Variants in ASB5 observed in about 807,000 individuals in gnomAD.
ASB5 encodes the protein ankyrin repeat and SOCS box containing 5, also known as ankyrin repeat and SOCS box protein 5.
Under a neutral mutation model 42.1 loss-of-function variants are expected in ASB5, and 45 were observed. That is an observed-to-expected ratio of 1.07 (90% CI 0.84 to 1.37). The LOEUF (loss-of-function observed/expected upper bound fraction) is 1.37, where lower values mean the gene tolerates loss of function less well. ASB5 is among the 40% of genes most tolerant of loss of function. The probability of loss-of-function intolerance (pLI) is 0.00; values close to 1 mark genes in which losing one functional copy is unlikely to be tolerated. For synonymous variants in ASB5, 147 were observed against 150.6 expected (o/e 0.98, Z 0.18); for missense variants, 402 against 399.8 (o/e 1.01, Z -0.05).
At chr4:176,277,251 A>C (rs1055050769) in exon 1 of ASB5, 21 of 152,374 alleles carry the variant, frequency 1.4e-4, no homozygotes, top group African/African-American at 4.8e-4. Flanking sequence ...ACTGCAGCTT[A>C]CTGCTCCGCG....
chr4:176,249,881 C>G (rs11734440), intron 1 of ASB5, among the ~76,000 whole-genome samples: 1 of 151,412 alleles, frequency 6.6e-6, no homozygotes, highest in African/African-American at 2.4e-5. Flanking sequence ...CTGGCTAACA[C>G]AGTGAAACCC....
intron 5 of ASB5, among the ~76,000 whole-genome samples, chr4:176,218,240 T>G (rs1213850518): frequency 8.3e-5 from 4 of 48,072 alleles, no homozygotes; most frequent in Non-Finnish European, 1.6e-4. Context: ...TATATATTTG[T>G]ATGATATATA....
intron 1 of ASB5, among the ~76,000 whole-genome samples, chr4:176,229,915 G>A (rs1000585947): frequency 6.6e-6 from 1 of 152,180 alleles, no homozygotes; most frequent in Non-Finnish European, 1.5e-5. Context: ...CTTGAAGAAG[G>A]GGGTGGGAGT....
chr4:176,272,027 G>T (rs1023110184), upstream of ASB5, among the ~76,000 whole-genome samples: 3 of 152,000 alleles, frequency 2.0e-5, no homozygotes, highest in Non-Finnish European at 4.4e-5. Flanking sequence ...ATGTAATCAG[G>T]AACCTAAATT....
intron 1 of ASB5, chr4:176,237,358 C>A (rs1045544150): frequency 6.1e-6 from 6 of 985,766 alleles, no homozygotes. Flanking sequence ...TACTCACTAG[C>A]CTTCTTTTCG....
intron 2 of ASB5, 41 bp from the exon 3 acceptor site, chr4:176,222,461 A>G (rs1383452238): frequency 2.0e-6 from 3 of 1,504,380 alleles, no homozygotes; most frequent in East Asian, 2.3e-5. Context: ...AAAGAGTTAT[A>G]TACTTAAAAA....
chr4:176,225,458 G>T, intron 1 of ASB5, 117 bp from the exon 2 acceptor site: 1 of 855,596 alleles, frequency 1.2e-6, no homozygotes, highest in Non-Finnish European at 1.9e-6. Flanking sequence ...GTGTTCAACA[G>T]GGTGAGCCAG....
chr4:176,252,544 T>C (rs1754064152), intron 1 of ASB5, among the ~76,000 whole-genome samples: 1 of 152,254 alleles, frequency 6.6e-6, no homozygotes, highest in Non-Finnish European at 1.5e-5. Context: ...TCATATGGCA[T>C]ACAAGCTGGT....
At chr4:176,240,857 A>G (rs1753796291) in intron 1 of ASB5, among the ~76,000 whole-genome samples, 1 of 152,184 alleles carries the variant, frequency 6.6e-6, no homozygotes, top group African/African-American at 2.4e-5. Context: ...CTTAAAAGTA[A>G]TTGTTCCTCC....
chr4:176,220,820 C>A (rs942052751), intron 5 of ASB5, among the ~76,000 whole-genome samples: 1 of 152,140 alleles, frequency 6.6e-6, no homozygotes, highest in Non-Finnish European at 1.5e-5. Context: ...TACTTGGCAA[C>A]ATCATATTCA....
At chr4:176,226,625 A>G (rs1753386294) in intron 1 of ASB5, among the ~76,000 whole-genome samples, 1 of 152,170 alleles carries the variant, frequency 6.6e-6, no homozygotes, top group Non-Finnish European at 1.5e-5. Flanking sequence ...CCTGACTAAT[A>G]CACCTGACAG....
At chr4:176,232,142 G>A (rs1346841461) in intron 1 of ASB5, among the ~76,000 whole-genome samples, 1 of 143,494 alleles carries the variant, frequency 7.0e-6, no homozygotes, top group South Asian at 2.2e-4. Flanking sequence ...TTTTTTTTGA[G>A]TTGGAGTTTT....
rs1396462109 is a variant in ASB5, at chr4:176,232,706, C to T, written c.197-7365G>A. 2.6e-5 allele frequency among the ~76,000 whole-genome samples: 4 copies of T among 152,180 alleles called. No homozygotes were observed. The East Asian group carries it at 7.7e-4, about 29-fold the overall frequency. On this transcript the variant is annotated intron_variant, in intron 1 of 6. Transcript: ENST00000296525. The stretch of plus-strand genomic sequence containing the variant: ...CACAGAGCCACAGAAATCCTTGAAA[C>T]ATGGTTTCAAGGGAAATAATGTCTG...
Position 176,225,276 on chromosome 4 carries a change from T to G in ASB5, c.262A>C (p.Thr88Pro). 1 of 1,612,952 alleles carries G rather than the reference T, an allele frequency of 6.2e-7. No individual in the cohort carries two copies. The highest frequency in any genetic ancestry group is 8.5e-7 in the Non-Finnish European group (1 of 1,178,942). Residue 88 changes from threonine (T) to proline (P), a missense_variant, in exon 2 of 7, where the codon ACA becomes CCA. Physicochemically the swap from Thr to Pro is conservative, Grantham distance 38 (BLOSUM62 -1). Transcript: ENST00000296525. Reference protein sequence around the residue: ...ASQGRLLALRTLLSQGYNVNA... With the variant: ...ASQGRLLALRPLLSQGYNVNA... ...TAATATATTACCTGTGATAATAATG[T>G]TCTCAGAGCAAGAAGGCGACCTTGA... is the stretch of plus-strand genomic sequence containing the variant.
intron 1 of ASB5, among the ~76,000 whole-genome samples, chr4:176,249,922 G>C (rs893754502): frequency 1.3e-5 from 2 of 149,780 alleles, no homozygotes; most frequent in Non-Finnish European, 3.0e-5. Flanking sequence ...AAAATTAGCC[G>C]GGCGTGGTGA....
intron 1 of ASB5, among the ~76,000 whole-genome samples, chr4:176,236,134 T>C (rs1443181193): frequency 6.6e-6 from 1 of 152,158 alleles, no homozygotes; most frequent in African/African-American, 2.4e-5. Flanking sequence ...ATTGAAGATA[T>C]GTGAGACTCA....
At chr4:176,220,140 G>T (rs934913919) in intron 5 of ASB5, among the ~76,000 whole-genome samples, 7 of 152,168 alleles carry the variant, frequency 4.6e-5, no homozygotes, top group Non-Finnish European at 8.8e-5. Context: ...CCGCAGGTTG[G>T]ACAAGCTTGC....
At chr4:176,241,791 G>T in intron 1 of ASB5, 1 of 648,148 alleles carries the variant, frequency 1.5e-6, no homozygotes. Context: ...ATTGTATAAA[G>T]GTTGCTGGGA....
upstream of ASB5, among the ~76,000 whole-genome samples, chr4:176,270,326 G>C (rs1026549764): frequency 6.6e-6 from 1 of 152,064 alleles, no homozygotes; most frequent in East Asian, 1.9e-4. Flanking sequence ...GGCCATTCTT[G>C]GAATAAGGAG....
Sources: allele counts gnomAD v4.1 joint callset (sites outside exome capture counted in the v4.1 genomes callset), GRCh38; gene constraint gnomAD v4.1.1; transcripts MANE v1.5; gene names NCBI Gene and HGNC (gene_info 2026-07-23, HGNC 2026-07-21).